DZIP3: variants seen among roughly 807,000 people sequenced by gnomAD.
DZIP3 encodes E3 ubiquitin-protein ligase DZIP3.
In DZIP3, 118 loss-of-function variants were observed where a neutral mutation model predicts 162.0. That is an observed-to-expected ratio of 0.73 (90% CI 0.63 to 0.85). DZIP3 has a LOEUF of 0.85. Ranked by LOEUF, DZIP3 falls within the 40% of genes least tolerant of loss-of-function variation. DZIP3 has a pLI of 0.00. For synonymous variants in DZIP3, 438 were observed against 458.6 expected (o/e 0.96, Z 0.57); for missense variants, 1,331 against 1,407.0 (o/e 0.95, Z 0.86).
chr3:108,690,592 T>C (rs535181375), intron 31 of DZIP3, among the ~76,000 whole-genome samples, 195 bp from the exon 32 acceptor site: 2 of 152,344 alleles, frequency 1.3e-5, no homozygotes, highest in East Asian at 3.9e-4. Flanking sequence ...AAAGGTATTG[T>C]GCAGTTACCA....
intron 12 of DZIP3, among the ~76,000 whole-genome samples, chr3:108,637,860 A>G (rs974478575): frequency 2.0e-5 from 3 of 152,168 alleles, no homozygotes; most frequent in African/African-American, 7.2e-5. Flanking sequence ...TTCAAAACTT[A>G]TCCAAACCAC....
At chr3:108,657,291 T>C (rs530213198) in intron 19 of DZIP3, among the ~76,000 whole-genome samples, 1 of 152,082 alleles carries the variant, frequency 6.6e-6, no homozygotes, top group African/African-American at 2.4e-5. Context: ...GCTGATCTCT[T>C]GGCAGAAACT....
rs2107247217 is a variant in DZIP3, at chr3:108,654,172, G to A, written c.2061G>A (p.Gln687=). The change falls in exon 19 of 33, where the codon CAG becomes CAA. Residue 687 remains glutamine, a synonymous_variant. Transcript: ENST00000361582. ...CATATGTGGTAGAAAAGGAAGAGCA[G>A]TTGAGGAAAGAACAAGCAAATCCAC... ...QVPYVVEKEE[Q]LRKEQANPHS... 14 of 1,613,522 alleles carry A rather than the reference G, an allele frequency of 8.7e-6. No homozygotes were observed. Among genetic ancestry groups the A allele is most frequent in the Non-Finnish European group, 1.2e-5 (14 of 1,179,628 alleles).
At chr3:108,677,889 G>T (rs1944168941) in intron 26 of DZIP3, among the ~76,000 whole-genome samples, 1 of 151,972 alleles carries the variant, frequency 6.6e-6, no homozygotes, top group Non-Finnish European at 1.5e-5. Flanking sequence ...GCTAAATAAT[G>T]AATACTCAGA....
At chr3:108,640,134 T>G (rs892623535) in intron 12 of DZIP3, among the ~76,000 whole-genome samples, 19 of 152,180 alleles carry the variant, frequency 1.2e-4, no homozygotes. Context: ...TATTTTATGA[T>G]CATACTACTG....
At chr3:108,652,449 A>T (rs574133284) in intron 18 of DZIP3, among the ~76,000 whole-genome samples, 28 of 152,024 alleles carry the variant, frequency 1.8e-4, no homozygotes, top group Non-Finnish European at 3.2e-4. Flanking sequence ...ATAGTCTTGT[A>T]CTGCCTAACA....
At position 108,662,338 on chromosome 3, in the gene DZIP3, T is replaced by C. The variant is rs915862772; in HGVS notation, c.2423+81T>C. ...TAATAGTTAATCTCTGCATAACCAC[T>C]AGGTGGCACTGTGACTACACATTAG... is the stretch of plus-strand genomic sequence containing the variant. On this transcript the variant is annotated intron_variant, in intron 21 of 32. Transcript: ENST00000361582. 4.5e-5 allele frequency: 65 copies of C among 1,451,234 alleles called. No homozygotes were observed. In the Middle Eastern group the frequency reaches 5.7e-4, roughly 13 times the overall value. 89.9% of individuals were successfully genotyped at this position (1,451,234 alleles called of 1,614,324 possible). A position where few individuals can be genotyped will look rare whatever the true frequency, so the allele number is the denominator to read the frequency against.
chr3:108,674,839 A>G (rs1419647276), intron 24 of DZIP3, among the ~76,000 whole-genome samples: 4 of 151,884 alleles, frequency 2.6e-5, no homozygotes, highest in Admixed American at 2.6e-4. Context: ...CCCAGGCATC[A>G]TTATTTTTAA....
At chr3:108,667,034 T>C (rs1943709803) in intron 21 of DZIP3, among the ~76,000 whole-genome samples, 1 of 151,676 alleles carries the variant, frequency 6.6e-6, no homozygotes, top group African/African-American at 2.4e-5. Flanking sequence ...TTAGAAATAA[T>C]GGGAGCAGGA....
chr3:108,604,755 G>T (rs568247999), intron 1 of DZIP3, among the ~76,000 whole-genome samples: 13 of 152,282 alleles, frequency 8.5e-5, no homozygotes, highest in Non-Finnish European at 1.5e-4. Context: ...TGTCAAGATT[G>T]TATTAAGCAG....
chr3:108,675,133 T>G (rs1321487217), intron 24 of DZIP3, among the ~76,000 whole-genome samples: 1 of 151,902 alleles, frequency 6.6e-6, no homozygotes, highest in Non-Finnish European at 1.5e-5. Flanking sequence ...GATAGAACCT[T>G]TTAAAAGGCC....
Position 108,644,342 on chromosome 3 carries a change from G to A in DZIP3, c.1320G>A (p.Trp440Ter). The part of the protein sequence containing the change: ...NVLESYYNHL[W>*]TNHPLGGSWH... ...TGGAATCCTACTACAACCATCTTTG[G>A]ACCAATCATCCTTTGGGTGGATCAT... Residue 440 changes from tryptophan (W) to a stop codon, truncating the protein, a stop_gained, in exon 14 of 33, where the codon TGG becomes TGA. Coordinates refer to ENST00000361582, the MANE Select transcript of DZIP3 (RefSeq NM_014648.4). LOFTEE classifies it high-confidence loss of function. 6.2e-7 allele frequency: 1 copy of A among 1,613,998 alleles called. No individual in the cohort carries two copies. The highest frequency in any genetic ancestry group is 8.5e-7 in the Non-Finnish European group (1 of 1,179,968).
chr3:108,598,791 T>C (rs11922859), intron 1 of DZIP3, among the ~76,000 whole-genome samples: 2,233 of 152,304 alleles, frequency 0.015, 63 homozygotes, highest in African/African-American at 0.05. Context: ...CTTTGGAGTA[T>C]GTGCTTAGGG....
chr3:108,652,257 C>T (rs899740026), intron 18 of DZIP3, among the ~76,000 whole-genome samples: 2 of 151,726 alleles, frequency 1.3e-5, no homozygotes, highest in Non-Finnish European at 3.0e-5. Context: ...AACATATATA[C>T]CTATAACTCT....
intron 17 of DZIP3, among the ~76,000 whole-genome samples, chr3:108,649,953 A>G (rs1942790951): frequency 6.6e-6 from 1 of 151,792 alleles, no homozygotes; most frequent in Admixed American, 6.6e-5. Context: ...TATCTGATAA[A>G]ACAAACTAAT....
At chr3:108,664,308 C>T (rs1943578315) in intron 21 of DZIP3, among the ~76,000 whole-genome samples, 1 of 152,214 alleles carries the variant, frequency 6.6e-6, no homozygotes, top group African/African-American at 2.4e-5. Flanking sequence ...TGCAGCCACA[C>T]ACCAGTGGCC....
intron 17 of DZIP3, among the ~76,000 whole-genome samples, chr3:108,649,678 A>G (rs558917012): frequency 1.3e-5 from 2 of 151,964 alleles, no homozygotes; most frequent in East Asian, 1.9e-4. Context: ...CCCAACCACA[A>G]TCTGGTGAGC....
At chr3:108,683,453 C>G (rs1944390030) in intron 26 of DZIP3, among the ~76,000 whole-genome samples, 1 of 152,040 alleles carries the variant, frequency 6.6e-6, no homozygotes, top group Non-Finnish European at 1.5e-5. Context: ...TTTTTAAGTT[C>G]AGTAACAAAT....
intron 1 of DZIP3, chr3:108,602,931 A>G (rs1310302914): frequency 6.6e-6 from 1 of 152,200 alleles, no homozygotes; most frequent in East Asian, 1.9e-4. Flanking sequence ...CAAGCTGAAA[A>G]AGCCCTAGCC....
Sources: allele counts gnomAD v4.1 joint callset (sites outside exome capture counted in the v4.1 genomes callset), GRCh38; gene constraint gnomAD v4.1.1; transcripts MANE v1.5; gene names NCBI Gene and HGNC (gene_info 2026-07-23, HGNC 2026-07-21).